The following FARS2 variants were observed in gnomAD, a reference collection of about 807,000 sequenced individuals.
The protein encoded by FARS2 is phenylalanine--tRNA ligase, mitochondrial.
A neutral mutation model predicts 46.4 loss-of-function variants in FARS2; 40 were observed. The observed-to-expected ratio is 0.86, with a 90% confidence interval of 0.67 to 1.12. The LOEUF is 1.12. Among genes scored for constraint, FARS2 ranks in the 50% most tolerant of loss-of-function variants. FARS2 has a pLI of 0.00. For missense variants in FARS2, 513 were observed against 567.9 expected, an observed-to-expected ratio of 0.90 and a Z score of 0.98; for synonymous variants, 234 against 214.9, an observed-to-expected ratio of 1.09 and a Z score of -0.78.
chr6:5,541,863 G>T (rs148350868), intron 4 of FARS2, among the ~76,000 whole-genome samples: 110 of 152,300 alleles, frequency 7.2e-4, no homozygotes, highest in Admixed American at 1.2e-3. Flanking sequence ...ACAAGAGGTG[G>T]ATTATTCATG....
intron 4 of FARS2, among the ~76,000 whole-genome samples, chr6:5,478,653 C>G (rs1369804233): frequency 6.8e-6 from 1 of 147,082 alleles, no homozygotes; most frequent in Non-Finnish European, 1.5e-5. Flanking sequence ...GACTGAGTGC[C>G]CCTGTCTTGC....
At chr6:5,659,671 A>C (rs17141110) in intron 6 of FARS2, among the ~76,000 whole-genome samples, 7,594 of 152,276 alleles carry the variant, frequency 0.05, 508 homozygotes, top group African/African-American at 0.15. Context: ...ATGCTGCACA[A>C]CAGAGTCACT....
intron 5 of FARS2, among the ~76,000 whole-genome samples, chr6:5,564,027 A>T (rs930340311): frequency 2.0e-5 from 3 of 152,244 alleles, no homozygotes; most frequent in Non-Finnish European, 2.9e-5. Flanking sequence ...AAGTCCTAGC[A>T]GACTCAGTGA....
chr6:5,652,996 C>A (rs1777442526), intron 6 of FARS2, among the ~76,000 whole-genome samples: 1 of 152,168 alleles, frequency 6.6e-6, no homozygotes, highest in Non-Finnish European at 1.5e-5. Flanking sequence ...GAGAGAGAGA[C>A]AAAGTGTGTG....
intron 1 of FARS2, among the ~76,000 whole-genome samples, chr6:5,324,443 C>CTTTTTTTTT (rs745311767): frequency 1.1e-5 from 1 of 88,288 alleles, no homozygotes; most frequent in Non-Finnish European, 2.4e-5. Flanking sequence ...AGACTATTTG[C>CTTTTTTTTT]TTTTTTTTTT....
At chr6:5,381,705 A>G (rs13216997) in intron 2 of FARS2, among the ~76,000 whole-genome samples, 1 of 152,208 alleles carries the variant, frequency 6.6e-6, no homozygotes, top group Non-Finnish European at 1.5e-5. Flanking sequence ...GTAAGTAGCA[A>G]CGGAAGTTAG....
In FARS2 at chr6:5,368,689, A is replaced by T; in HGVS notation, c.119A>T (p.Glu40Val). Residue 40 changes from glutamate to valine, a missense_variant, in exon 2 of 7, where the codon GAG becomes GTG. Glu to Val is a moderately radical substitution (Grantham distance 121). Coordinates refer to ENST00000274680, the MANE Select transcript of FARS2 (RefSeq NM_006567.5). ...TGGGGATCGAGGCCTCCTGCAGCAGAGTGTGCCACCCAAAGAGCTCCAGGC... is the reference window on the plus strand; with the variant it reads ...TGGGGATCGAGGCCTCCTGCAGCAGTGTGTGCCACCCAAAGAGCTCCAGGC... Reference protein sequence around the residue: ...QAWGSRPPAAECATQRAPGSV... With the variant: ...QAWGSRPPAAVCATQRAPGSV... 1 of 1,614,148 alleles carries T rather than the reference A, an allele frequency of 6.2e-7. No homozygotes were observed. The highest frequency in any genetic ancestry group is 1.7e-5 in the Admixed American group (1 of 60,016).
chr6:5,427,801 C>T (rs1762934308), intron 3 of FARS2, among the ~76,000 whole-genome samples: 1 of 152,078 alleles, frequency 6.6e-6, no homozygotes, highest in African/African-American at 2.4e-5. Context: ...AAACTGAGGG[C>T]TTGTGGTGGC....
At chr6:5,389,966 G>A (rs146356747) in intron 2 of FARS2, among the ~76,000 whole-genome samples, 90 of 152,262 alleles carry the variant, frequency 5.9e-4, no homozygotes, top group African/African-American at 2.0e-3. Context: ...CTGGGTTCAA[G>A]CAATCCTCTT....
At chr6:5,561,973 T>C (rs1772010259) in intron 5 of FARS2, among the ~76,000 whole-genome samples, 1 of 152,118 alleles carries the variant, frequency 6.6e-6, no homozygotes, top group Non-Finnish European at 1.5e-5. Flanking sequence ...ATTTTCTTGT[T>C]TAATTTCTGT....
At chr6:5,722,916 C>T (rs1406654075) in intron 6 of FARS2, among the ~76,000 whole-genome samples, 1 of 152,156 alleles carries the variant, frequency 6.6e-6, no homozygotes, top group Non-Finnish European at 1.5e-5. Context: ...TTACATACAG[C>T]ATGGTATTCA....
intron 1 of FARS2, among the ~76,000 whole-genome samples, chr6:5,367,508 G>T (rs960831526): frequency 6.6e-6 from 1 of 151,860 alleles, no homozygotes; most frequent in Non-Finnish European, 1.5e-5. Flanking sequence ...AGCCCTTTGC[G>T]GTTGTCTTAT....
At chr6:5,265,771 AG>A (rs1214226077) in intron 1 of FARS2, among the ~76,000 whole-genome samples, 2 of 152,174 alleles carry the variant, frequency 1.3e-5, no homozygotes, top group African/African-American at 4.8e-5. Flanking sequence ...GTTACTTTTA[AG>A]GGTGAAAACA....
intron 1 of FARS2, among the ~76,000 whole-genome samples, chr6:5,362,927 C>CTTTTTTTTTTTTTTTT: frequency 8.1e-6 from 1 of 124,200 alleles, no homozygotes; most frequent in Non-Finnish European, 1.6e-5. Context: ...TTCTTTCTTT[C>CTTTTTTTTTTTTTTTT]TTTTTTTTTT....
intron 6 of FARS2, among the ~76,000 whole-genome samples, chr6:5,632,592 C>T (rs551941567): frequency 1.3e-5 from 2 of 150,390 alleles, no homozygotes; most frequent in East Asian, 3.9e-4. Flanking sequence ...CCCCTTCCCC[C>T]TTCCCGCTTC....
chr6:5,701,536 G>C (rs1396323595), intron 6 of FARS2, among the ~76,000 whole-genome samples: 1 of 152,230 alleles, frequency 6.6e-6, no homozygotes, highest in Non-Finnish European at 1.5e-5. Flanking sequence ...GCGCAGAATA[G>C]ATTGTACTGA....
At chr6:5,715,100 A>G (rs1183442617) in intron 6 of FARS2, among the ~76,000 whole-genome samples, 1 of 152,152 alleles carries the variant, frequency 6.6e-6, no homozygotes, top group Admixed American at 6.5e-5. Flanking sequence ...TGTGCCTTAA[A>G]TATATCAACT....
chr6:5,300,311 G>T (rs752632294), intron 1 of FARS2, among the ~76,000 whole-genome samples: 2 of 152,176 alleles, frequency 1.3e-5, no homozygotes, highest in Non-Finnish European at 2.9e-5. Context: ...ACATAAGCAT[G>T]TCCAAATGTT....
chr6:5,598,779 G>C (rs1774346679), intron 5 of FARS2, among the ~76,000 whole-genome samples: 1 of 152,182 alleles, frequency 6.6e-6, no homozygotes, highest in Admixed American at 6.5e-5. Flanking sequence ...GGTAGGGGTA[G>C]GGTGAGGAAG....
Sources: gnomAD v4.1 joint callset for allele counts (sites outside exome capture counted in the v4.1 genomes callset) on GRCh38, gnomAD v4.1.1 for gene constraint, MANE v1.5 for transcripts, NCBI Gene and HGNC (gene_info 2026-07-23, HGNC 2026-07-21) for gene names.